SLC30A4: variants seen among roughly 807,000 people sequenced by gnomAD.
The protein encoded by SLC30A4 is probable proton-coupled zinc antiporter SLC30A4.
In SLC30A4, 20 loss-of-function variants were observed where a neutral mutation model predicts 41.7. The ratio of observed to expected loss-of-function variants is 0.48; its 90% CI spans 0.34 to 0.70. The LOEUF (loss-of-function observed/expected upper bound fraction) is 0.70. SLC30A4 is among the 30% of genes least tolerant of loss of function. The probability of loss-of-function intolerance (pLI) is 0.01; values close to 1 mark genes in which losing one functional copy is unlikely to be tolerated. For missense variants in SLC30A4, 441 were observed against 529.3 expected (o/e 0.83, Z 1.64); for synonymous variants, 181 against 195.9 (o/e 0.92, Z 0.64).
At chr15:45,510,286 A>C (rs553921540) in intron 3 of SLC30A4, among the ~76,000 whole-genome samples, 4 of 152,348 alleles carry the variant, frequency 2.6e-5, no homozygotes, top group Admixed American at 2.6e-4. Context: ...CAAAGAAAAT[A>C]TAGGTAAAGA....
intron 3 of SLC30A4, chr15:45,502,648 C>G (rs1174223784): frequency 6.6e-6 from 1 of 152,514 alleles, no homozygotes; most frequent in Non-Finnish European, 1.5e-5. Context: ...TCCCAAAGTG[C>G]TGCAATTAGA....
intron 2 of SLC30A4, among the ~76,000 whole-genome samples, chr15:45,513,427 C>T (rs1892360450): frequency 6.8e-6 from 1 of 147,442 alleles, no homozygotes; most frequent in African/African-American, 2.5e-5. Flanking sequence ...GTTGCCTAGG[C>T]TTAATTATTT....
chr15:45,493,493 A>C (rs1340196791), intron 3 of SLC30A4, among the ~76,000 whole-genome samples: 1 of 152,104 alleles, frequency 6.6e-6, no homozygotes, highest in Non-Finnish European at 1.5e-5. Flanking sequence ...TTATCTAGCA[A>C]TTATAGGCTA....
At chr15:45,488,109 TA>T (rs2140812818) in intron 5 of SLC30A4, among the ~76,000 whole-genome samples, 1 of 152,164 alleles carries the variant, frequency 6.6e-6, no homozygotes, top group Admixed American at 6.5e-5. Flanking sequence ...TAGCAGCCAC[TA>T]GTTTAAGCCC....
intron 2 of SLC30A4, among the ~76,000 whole-genome samples, chr15:45,520,343 C>G (rs1051528794): frequency 1.3e-5 from 2 of 151,986 alleles, no homozygotes; most frequent in Admixed American, 1.3e-4. Flanking sequence ...AATCTCGGCT[C>G]ACCACAACTT....
chr15:45,490,788 T>C lies in SLC30A4; in HGVS notation c.632A>G (p.Tyr211Cys), dbSNP rs1891796384. ...EAVQRTIHMN[Y>C]EINGDIMLIT... ...GAGCATTATATCTCCATTTATTTCA[T>C]AGTTCATATGGATAGTTCTTTGCAC... Residue 211 changes from tyrosine to cysteine, a missense_variant, in exon 4 of 8, where the codon TAT becomes TGT. Physicochemically the swap from Tyr to Cys is radical, Grantham distance 194. Transcript: ENST00000261867. The C allele has an allele frequency of 6.2e-7, 1 of 1,611,716 alleles. No homozygotes were observed. The highest frequency in any genetic ancestry group is 1.1e-5 in the South Asian group (1 of 90,810).
chr15:45,487,479 G>T, intron 6 of SLC30A4, 48 bp downstream of exon 6: 2 of 931,662 alleles, frequency 2.1e-6, no homozygotes, highest in Non-Finnish European at 3.5e-6. Flanking sequence ...CTCCCAATCT[G>T]CTTTAGGGAA....
intron 3 of SLC30A4, among the ~76,000 whole-genome samples, chr15:45,498,203 T>C (rs1490547318): frequency 6.6e-6 from 1 of 152,200 alleles, no homozygotes; most frequent in African/African-American, 2.4e-5. Flanking sequence ...AGTGGAGCTA[T>C]ATCCTCTCTT....
At position 45,484,594 on chromosome 15, in the gene SLC30A4, A is replaced by G. The variant is rs138258443; in HGVS notation, c.*569T>C. 2.8e-4 allele frequency: 42 copies of G among 152,344 alleles called. No individual in the cohort carries two copies. The highest frequency in any genetic ancestry group is 1.0e-3 in the African/African-American group (42 of 41,566). The allele number at this position is 152,344 out of a possible 1,614,324, so 9.4% of individuals were successfully genotyped here. A position where few individuals can be genotyped will look rare whatever the true frequency, so the allele number is the denominator to read the frequency against. ...TTGTTTATAAAGTATAATCATAACA[A>G]TAACATTAAGACTTATGTGTGAAAT... On this transcript the variant is annotated 3_prime_UTR_variant, in exon 8 of 8. Transcript: ENST00000261867.
chr15:45,502,396 AT>A (rs1566878697), intron 3 of SLC30A4: 1 of 149,422 alleles, frequency 6.7e-6, no homozygotes, highest in Non-Finnish European at 1.5e-5. Context: ...ATATTTTTTT[AT>A]TTTTTTGAGA....
In SLC30A4 at chr15:45,481,529, A is replaced by G. The variant is rs1891601903; in HGVS notation, c.*3634T>C. The G allele has an allele frequency of 6.6e-6, 1 of 152,200 alleles. No individual in the cohort carries two copies. The highest frequency in any genetic ancestry group is 2.1e-4 in the South Asian group (1 of 4,834). 9.4% of individuals were successfully genotyped at this position (152,200 alleles called of 1,614,324 possible). A position where few individuals can be genotyped will look rare whatever the true frequency, so the allele number is the denominator to read the frequency against. ...CTAATTAAAATATATCACACCAAAG[A>G]ACTGCCAAGTTTTTATATTGTGGTC... On this transcript the variant is annotated 3_prime_UTR_variant, in exon 8 of 8. Transcript: ENST00000261867.
intron 2 of SLC30A4, among the ~76,000 whole-genome samples, chr15:45,518,397 G>A (rs958068182): frequency 3.3e-5 from 5 of 151,980 alleles, no homozygotes; most frequent in African/African-American, 1.2e-4. Context: ...TAATAGTTTC[G>A]TTCTCCATTG....
At position 45,517,636 on chromosome 15, in the gene SLC30A4, G is replaced by C. The variant is rs191892373; in HGVS notation, c.391+4328C>G. Among the ~76,000 whole-genome samples the C allele has an allele frequency of 9.1e-4, 139 of 152,032 alleles. 1 individual carries two copies. The highest frequency in any genetic ancestry group is 7.4e-3 in the Admixed American group (113 of 15,286). Reference sequence around the variant, plus strand: ...CTTTCAAAAAGGTAAATCCCATCTTGTTACTCTCCTGCTTAAAACCTTATC... The same window carrying C: ...CTTTCAAAAAGGTAAATCCCATCTTCTTACTCTCCTGCTTAAAACCTTATC... On this transcript the variant is annotated intron_variant, in intron 2 of 7. Coordinates refer to ENST00000261867, the MANE Select transcript of SLC30A4 (RefSeq NM_013309.6).
At chr15:45,503,678 G>C (rs1430626157) in intron 3 of SLC30A4, among the ~76,000 whole-genome samples, 3 of 151,842 alleles carry the variant, frequency 2.0e-5, no homozygotes, top group Admixed American at 6.6e-5. Context: ...GGTGGCTCAC[G>C]CCTGTAATCT....
chr15:45,503,178 G>C (rs1290985896), intron 3 of SLC30A4, among the ~76,000 whole-genome samples: 1 of 151,420 alleles, frequency 6.6e-6, no homozygotes, highest in African/African-American at 2.4e-5. Context: ...CACAATATAA[G>C]TAAATATTAA....
chr15:45,497,697 A>G (rs1891935163), intron 3 of SLC30A4, among the ~76,000 whole-genome samples: 1 of 152,234 alleles, frequency 6.6e-6, no homozygotes, highest in African/African-American at 2.4e-5. Context: ...TGTTTACTGC[A>G]TATTTTAAAA....
chr15:45,490,942 A>G, intron 3 of SLC30A4, 61 bp from the exon 4 acceptor site: 5 of 1,096,714 alleles, frequency 4.6e-6, no homozygotes, highest in Non-Finnish European at 6.4e-6. Context: ...CTTCATACCA[A>G]CTAAATATTA....
intron 2 of SLC30A4, among the ~76,000 whole-genome samples, chr15:45,518,238 G>C (rs1212867736): frequency 6.6e-6 from 1 of 152,012 alleles, no homozygotes; most frequent in Non-Finnish European, 1.5e-5. Context: ...AATGTACCTG[G>C]TCCATGCATA....
intron 3 of SLC30A4, among the ~76,000 whole-genome samples, chr15:45,505,076 C>T (rs1250523625): frequency 6.6e-6 from 1 of 151,798 alleles, no homozygotes; most frequent in East Asian, 1.9e-4. Flanking sequence ...ACTAAAAATA[C>T]AAAAATCAGC....
Sources: gnomAD v4.1 joint callset for allele counts (sites outside exome capture counted in the v4.1 genomes callset) on GRCh38, gnomAD v4.1.1 for gene constraint, MANE v1.5 for transcripts, NCBI Gene and HGNC (gene_info 2026-07-23, HGNC 2026-07-21) for gene names.